Variants in CNBD1 observed in about 807,000 individuals in gnomAD.
The protein encoded by CNBD1 is cyclic nucleotide-binding domain-containing protein 1.
In CNBD1, 71 loss-of-function variants were observed where a neutral mutation model predicts 54.4. The observed-to-expected ratio is 1.30, with a 90% CI of 1.08 to 1.59. CNBD1 has a LOEUF of 1.59. Ranked by LOEUF, CNBD1 falls within the 40% of genes most tolerant of loss-of-function variation. CNBD1 has a pLI of 0.00. For synonymous variants in CNBD1, 182 were observed against 170.7 expected, an observed-to-expected ratio of 1.07 and a Z score of -0.51; for missense variants, 659 against 518.0, an observed-to-expected ratio of 1.27 and a Z score of -2.64.
At position 86,974,222 on chromosome 8, in the gene CNBD1, C is replaced by A. The variant is rs78403038; in HGVS notation, c.431+34468C>A. Among the ~76,000 whole-genome samples, 1,491 of 151,640 alleles carry A rather than the reference C, an allele frequency of 9.8e-3. 18 individuals are homozygous for A. The highest frequency in any genetic ancestry group is 0.033 in the African/African-American group (1,373 of 41,396). On this transcript the variant is annotated intron_variant, in intron 4 of 10. Coordinates refer to ENST00000518476, the MANE Select transcript of CNBD1 (RefSeq NM_173538.3). Reference sequence around the variant, plus strand: ...TCAGGAAATATGATTATATGCCCAACAAGTTGAAAAAAAATTCAGAAGTGG... The same window carrying A: ...TCAGGAAATATGATTATATGCCCAAAAAGTTGAAAAAAAATTCAGAAGTGG...
At chr8:87,366,845 A>G (rs780173250) in intron 10 of CNBD1, among the ~76,000 whole-genome samples, 6 of 152,006 alleles carry the variant, frequency 3.9e-5, no homozygotes, top group Non-Finnish European at 7.4e-5. Context: ...GGAAGTGAAA[A>G]TGTTCTTAAT....
intron 4 of CNBD1, among the ~76,000 whole-genome samples, chr8:87,025,739 G>A (rs749610738): frequency 2.0e-5 from 3 of 152,124 alleles, no homozygotes; most frequent in South Asian, 4.1e-4. Flanking sequence ...GAAGATCTGC[G>A]GCTTCACTCC....
At chr8:87,013,361 C>T (rs1001809396) in intron 4 of CNBD1, among the ~76,000 whole-genome samples, 1 of 151,992 alleles carries the variant, frequency 6.6e-6, no homozygotes, top group Non-Finnish European at 1.5e-5. Context: ...TAGAATGACC[C>T]CCTTTTGAGC....
At chr8:87,294,648 T>A (rs549514008) in intron 8 of CNBD1, among the ~76,000 whole-genome samples, 1 of 152,316 alleles carries the variant, frequency 6.6e-6, no homozygotes, top group Admixed American at 6.5e-5. Flanking sequence ...GGAAAGATAT[T>A]TTTAATTCAC....
chr8:87,389,700 C>T lies in CNBD1; in HGVS notation c.213+35914C>T, dbSNP rs546385073. ...CCCAAGGTAATTTATAGATTCAATG[C>T]CATCCCCATCAAGATACCAATGACT... On this transcript the variant is annotated intron_variant, in intron 2 of 7. Coordinates refer to the CNBD1 transcript ENST00000521593. 5.2e-4 allele frequency among the ~76,000 whole-genome samples: 79 copies of T among 152,190 alleles called. 1 individual carries two copies. In the East Asian group the frequency reaches 0.012, roughly 22 times the overall value.
At chr8:87,298,994 T>A (rs10107746) in intron 8 of CNBD1, among the ~76,000 whole-genome samples, 1 of 151,978 alleles carries the variant, frequency 6.6e-6, no homozygotes, top group South Asian at 2.1e-4. Flanking sequence ...ATTAGACTTT[T>A]GGTAAATGTC....
At position 87,040,715 on chromosome 8, in the gene CNBD1, C is replaced by A. The variant is rs189901987; in HGVS notation, c.431+100961C>A. On this transcript the variant is annotated intron_variant, in intron 4 of 10. Coordinates refer to ENST00000518476, the MANE Select transcript of CNBD1 (RefSeq NM_173538.3). Reference sequence around the variant, plus strand: ...CTGGGATGACAGGCGTGAGCCACTGCGTCTGGCCTGTAATGAATTCTTAAC... The same window carrying A: ...CTGGGATGACAGGCGTGAGCCACTGAGTCTGGCCTGTAATGAATTCTTAAC... Among the ~76,000 whole-genome samples, 6 of 151,446 alleles carry A rather than the reference C, an allele frequency of 4.0e-5. No individual in the cohort carries two copies. The East Asian group carries it at 1.2e-3, about 29-fold the overall frequency.
At chr8:87,365,321 T>C (rs7823414) in intron 10 of CNBD1, among the ~76,000 whole-genome samples, 25,183 of 151,994 alleles carry the variant, frequency 0.17, 2,943 homozygotes, top group African/African-American at 0.34. Flanking sequence ...TCTGTTCATG[T>C]CTTTTGCTCA....
intron 10 of CNBD1, among the ~76,000 whole-genome samples, chr8:87,370,571 GTTGT>G (rs1441822716): frequency 6.6e-6 from 1 of 151,992 alleles, no homozygotes; most frequent in Non-Finnish European, 1.5e-5. Flanking sequence ...TTTTGATGGG[GTTGT>G]TTGTTTTTTT....
intron 8 of CNBD1, among the ~76,000 whole-genome samples, chr8:87,322,171 A>AGT (rs1809551777): frequency 4.1e-5 from 4 of 97,616 alleles, no homozygotes; most frequent in African/African-American, 1.6e-4. Flanking sequence ...CCATGGTGTA[A>AGT]ATGTGCCACA....
At chr8:87,173,559 T>C (rs1366985308) in intron 4 of CNBD1, among the ~76,000 whole-genome samples, 2 of 152,216 alleles carry the variant, frequency 1.3e-5, no homozygotes, top group Admixed American at 6.5e-5. Flanking sequence ...GAATATACTA[T>C]TCTAGGGTAA....
chr8:86,969,764 A>G (rs994483936), intron 4 of CNBD1, among the ~76,000 whole-genome samples: 4 of 148,624 alleles, frequency 2.7e-5, no homozygotes, highest in Admixed American at 2.1e-4. Context: ...CTCCTATTCA[A>G]CTAAGGACTA....
intron 2 of CNBD1, among the ~76,000 whole-genome samples, chr8:87,425,716 C>T (rs1808034152): frequency 6.6e-6 from 1 of 152,030 alleles, no homozygotes; most frequent in Non-Finnish European, 1.5e-5. Context: ...CCACTGCTCT[C>T]TTCAAAGCTG....
At chr8:87,307,786 A>G (rs1393085520) in intron 8 of CNBD1, among the ~76,000 whole-genome samples, 3 of 149,860 alleles carry the variant, frequency 2.0e-5, no homozygotes, top group Non-Finnish European at 3.0e-5. Flanking sequence ...GGATATTGCA[A>G]GAAAGCTTCA....
chr8:87,369,657 T>A (rs1031383492), intron 10 of CNBD1, among the ~76,000 whole-genome samples: 7 of 152,046 alleles, frequency 4.6e-5, no homozygotes, highest in East Asian at 3.9e-4. Context: ...TAGTTTCCAA[T>A]GAGAAGTTGC....
intron 1 of CNBD1, among the ~76,000 whole-genome samples, chr8:86,874,532 A>G (rs1808487089): frequency 6.6e-6 from 1 of 152,100 alleles, no homozygotes. Flanking sequence ...TTAAATTAAT[A>G]TGTTTTGTGA....
At chr8:87,344,297 A>G (rs573238686) in intron 8 of CNBD1, among the ~76,000 whole-genome samples, 27 of 152,218 alleles carry the variant, frequency 1.8e-4, no homozygotes, top group African/African-American at 5.5e-4. Context: ...GTAAAATAAT[A>G]GTTTCAGAAT....
chr8:87,029,770 ATTATT>A (rs201931159), intron 4 of CNBD1, among the ~76,000 whole-genome samples: 4,592 of 152,218 alleles, frequency 0.03, 235 homozygotes, highest in African/African-American at 0.1. Context: ...TAATTATGTT[ATTATT>A]TTACATCTTT....
chr8:86,971,050 G>A (rs557246650), intron 4 of CNBD1, among the ~76,000 whole-genome samples: 151 of 152,214 alleles, frequency 9.9e-4, no homozygotes, highest in African/African-American at 3.5e-3. Flanking sequence ...TTGTGATGCA[G>A]TTTTATCACA....
Sources: allele counts gnomAD v4.1 joint callset (sites outside exome capture counted in the v4.1 genomes callset), GRCh38; gene constraint gnomAD v4.1.1; transcripts MANE v1.5; gene names NCBI Gene and HGNC (gene_info 2026-07-23, HGNC 2026-07-21).